Variants in ZER1 observed in about 807,000 individuals in gnomAD.
The protein encoded by ZER1 is zyg-11 related cell cycle regulator, also known as protein zer-1 homolog.
Under a neutral mutation model 78.8 loss-of-function variants are expected in ZER1, and 11 were observed. The ratio of observed to expected loss-of-function variants is 0.14; its 90% CI spans 0.09 to 0.23. The LOEUF (loss-of-function observed/expected upper bound fraction) is 0.23. ZER1 is among the 10% of genes least tolerant of loss of function. The probability of loss-of-function intolerance (pLI) is 1.00; values close to 1 mark genes in which losing one functional copy is unlikely to be tolerated. For synonymous variants in ZER1, 400 were observed against 407.0 expected (o/e 0.98, Z 0.21); for missense variants, 588 against 996.9 (o/e 0.59, Z 5.52).
intron 14 of ZER1, among the ~76,000 whole-genome samples, chr9:128,734,144 A>AT (rs1554784814): frequency 6.2e-4 from 9 of 14,440 alleles, no homozygotes; most frequent in African/African-American, 1.5e-3. Flanking sequence ...AAAAAAAAAA[A>AT]ATATATATAT....
intron 8 of ZER1, among the ~76,000 whole-genome samples, chr9:128,748,411 A>G (rs956773863): frequency 6.7e-5 from 10 of 149,840 alleles, no homozygotes; most frequent in Non-Finnish European, 1.5e-4. Context: ...CAAAAAAAAA[A>G]AAAAAAAAAT....
intron 1 of ZER1, among the ~76,000 whole-genome samples, chr9:128,758,308 G>C (rs1863928411): frequency 6.6e-6 from 1 of 151,842 alleles, no homozygotes; most frequent in African/African-American, 2.4e-5. Flanking sequence ...TTTTCTTTTA[G>C]TAGAGACAGG....
At position 128,755,971 on chromosome 9, in the gene ZER1, GA is replaced by G. The variant is rs1863844616; in HGVS notation, c.-94-313del. On this transcript the variant is annotated intron_variant, in intron 1 of 15. Coordinates refer to ENST00000291900, the MANE Select transcript of ZER1 (RefSeq NM_006336.4). The surrounding 1 kb of genome is among the most constrained non-coding windows in gnomAD (Gnocchi z 5.6). The stretch of plus-strand genomic sequence containing the variant: ...ACTCTTCAGCTTCCCACAGTCTGAA[GA>G]GCTACACTGGGGTGTTCCATGCTGT... Among the ~76,000 whole-genome samples the G allele has an allele frequency of 1.3e-5, 2 of 152,238 alleles. No homozygotes were observed. Among genetic ancestry groups the G allele is most frequent in the Non-Finnish European group, 2.9e-5 (2 of 68,048 alleles).
chr9:128,737,795 C>T (rs1029598108), intron 13 of ZER1, among the ~76,000 whole-genome samples: 1 of 151,680 alleles, frequency 6.6e-6, no homozygotes, highest in Admixed American at 6.6e-5. Flanking sequence ...CTCTGCCTTC[C>T]AGGTTCAAGT....
chr9:128,767,488 C>T (rs1036616127), intron 1 of ZER1, among the ~76,000 whole-genome samples: 3 of 152,092 alleles, frequency 2.0e-5, no homozygotes, highest in Admixed American at 6.6e-5. Context: ...TCAAGCAATA[C>T]GCCCACCTCA....
At chr9:128,764,684 G>A (rs936233969) in intron 1 of ZER1, among the ~76,000 whole-genome samples, 2 of 152,184 alleles carry the variant, frequency 1.3e-5, no homozygotes, top group Middle Eastern at 3.4e-3. Flanking sequence ...ATCCAGCTGC[G>A]GGCCTGGCAC....
intron 13 of ZER1, among the ~76,000 whole-genome samples, chr9:128,738,787 C>T (rs1400496375): frequency 6.7e-5 from 10 of 150,178 alleles, no homozygotes; most frequent in African/African-American, 2.5e-4. Context: ...GCTCAAGTGA[C>T]CCTCCTGCCT....
chr9:128,758,601 T>C (rs1046796343), intron 1 of ZER1, among the ~76,000 whole-genome samples: 2 of 150,734 alleles, frequency 1.3e-5, no homozygotes, highest in African/African-American at 4.9e-5. Context: ...CTGGTTTCTT[T>C]GTTTTTTGTT....
At position 128,740,164 on chromosome 9, in the gene ZER1, T is replaced by C; in HGVS notation, c.1854-45A>G. On this transcript the variant is annotated intron_variant, in intron 12 of 15. Coordinates refer to ENST00000291900, the MANE Select transcript of ZER1 (RefSeq NM_006336.4). This position sits in a 1 kb window ranked among gnomAD's most constrained non-coding sequence, Gnocchi z 4.4. Reference sequence around the variant, plus strand: ...AAAATGGAGTCCCACTCCCCCAGTTTCTCTTCAGATACCAGCGGCAGGACC... The same window carrying C: ...AAAATGGAGTCCCACTCCCCCAGTTCCTCTTCAGATACCAGCGGCAGGACC... The C allele has an allele frequency of 6.5e-7, 1 of 1,527,016 alleles. No homozygotes were observed. Among genetic ancestry groups the C allele is most frequent in the Admixed American group, 2.1e-5 (1 of 48,550 alleles). 94.6% of individuals were successfully genotyped at this position (1,527,016 alleles called of 1,614,324 possible). A position where few individuals can be genotyped will look rare whatever the true frequency, so the allele number is the denominator to read the frequency against.
intron 14 of ZER1, among the ~76,000 whole-genome samples, chr9:128,734,877 A>G (rs1274090030): frequency 6.8e-6 from 1 of 147,258 alleles, no homozygotes; most frequent in African/African-American, 2.5e-5. Flanking sequence ...GACAGCATGG[A>G]GACTTTTATT....
chr9:128,731,428 G>T, intron 15 of ZER1, 34 bp from the exon 16 acceptor site: 5 of 1,430,152 alleles, frequency 3.5e-6, no homozygotes, highest in Non-Finnish European at 3.9e-6. Context: ...ATTGGAGGGT[G>T]GGCTTGGGTG....
rs768968073 is a variant in ZER1 at position 128,731,493 on chromosome 9, T to G, written c.2244-99A>C. 3.1e-6 allele frequency: 3 copies of G among 965,856 alleles called. No homozygotes were observed. In the East Asian group the frequency reaches 7.9e-5, roughly 25 times the overall value. The allele number at this position is 965,856 out of a possible 1,614,324, so 59.8% of individuals were successfully genotyped here. On this transcript the variant is annotated intron_variant, in intron 15 of 15. Coordinates refer to ENST00000291900, the MANE Select transcript of ZER1 (RefSeq NM_006336.4). ...AGGCAGCTGGGTAAACACGTGTTCA[T>G]AGTGATGGTGATGCTGACCGAATGA...
chr9:128,739,937 T>A lies in ZER1; in HGVS notation c.2036A>T (p.Asn679Ile). 6.2e-7 allele frequency: 1 copy of A among 1,607,000 alleles called. No individual in the cohort carries two copies. The highest frequency in any genetic ancestry group is 8.5e-7 in the Non-Finnish European group (1 of 1,173,936). Reference sequence around the variant, plus strand: ...CTCCCTGCCCTGCCCACACCTGTAATTGATGTTTCTCCGAGAGTTTATGTC... The same window carrying A: ...CTCCCTGCCCTGCCCACACCTGTAAATGATGTTTCTCCGAGAGTTTATGTC... ...SWDINSRRNI[N>I]YRSFEPILRL... The change falls in exon 13 of 16, where the codon AAT becomes ATT. Residue 679 changes from asparagine to isoleucine, a missense_variant. By Grantham distance (149) the Asn-to-Ile change is moderately radical. This residue lies in a region of ZER1 where 122 missense variants were observed against 173.5 expected (regional missense o/e 0.70). Coordinates refer to ENST00000291900, the MANE Select transcript of ZER1 (RefSeq NM_006336.4).
At chr9:128,738,206 G>A (rs971077967) in intron 13 of ZER1, among the ~76,000 whole-genome samples, 15 of 145,688 alleles carry the variant, frequency 1.0e-4, no homozygotes, top group Middle Eastern at 3.8e-3. Flanking sequence ...CACCACGCCC[G>A]GCTAATTTTT....
At chr9:128,764,967 G>C (rs775126661) in intron 1 of ZER1, among the ~76,000 whole-genome samples, 2 of 152,178 alleles carry the variant, frequency 1.3e-5, no homozygotes, top group Non-Finnish European at 2.9e-5. Flanking sequence ...ACCAGCAGCA[G>C]CAGCAGCAGA....
chr9:128,752,736 G>C lies in ZER1; in HGVS notation c.860C>G (p.Ser287Cys). 6.2e-7 allele frequency: 1 copy of C among 1,614,192 alleles called. No homozygotes were observed. Among genetic ancestry groups the C allele is most frequent in the Non-Finnish European group, 8.5e-7 (1 of 1,180,046 alleles). ...GCAGTTCTCTAGGATCATGTGGCCAGAGATGTCCAGGGACATTAGGTTCCC... is the reference window on the plus strand; with the variant it reads ...GCAGTTCTCTAGGATCATGTGGCCACAGATGTCCAGGGACATTAGGTTCCC... ...KLGNLMSLDI[S>C]GHMILENCSI... The change falls in exon 5 of 16, where the codon TCT becomes TGT. Residue 287 changes from serine (S) to cysteine (C), a missense_variant. Ser to Cys is a moderately radical substitution (Grantham distance 112). Transcript: ENST00000291900.
chr9:128,761,131 C>G (rs1773098124), intron 1 of ZER1, among the ~76,000 whole-genome samples: 1 of 141,612 alleles, frequency 7.1e-6, no homozygotes, highest in African/African-American at 2.6e-5. Flanking sequence ...GCACTCCAGC[C>G]TGGGCGACAG....
At chr9:128,742,936 C>T (rs1863353576) in intron 8 of ZER1, among the ~76,000 whole-genome samples, 191 bp from the exon 9 acceptor site, 1 of 152,140 alleles carries the variant, frequency 6.6e-6, no homozygotes, top group Non-Finnish European at 1.5e-5. Flanking sequence ...CAGAAGAATG[C>T]ATAAAACACA....
At position 128,741,540 on chromosome 9, in the gene ZER1, G is replaced by A. The variant is rs1455453031; in HGVS notation, c.1732C>T (p.Leu578=). The stretch of plus-strand genomic sequence containing the variant: ...CTGCAGGAGGTGGACACTACCTTCA[G>A]GCAGTCCAGGAAGAGCTTCATGCCG... ...FNGMKLFLDC[L]KEFPEKQELH... is the part of the protein sequence containing the mutation. Residue 578 remains leucine (L), a synonymous_variant, in exon 11 of 16, where the codon CTG becomes TTG. Coordinates refer to ENST00000291900, the MANE Select transcript of ZER1 (RefSeq NM_006336.4). 1 of 1,614,144 alleles carries A rather than the reference G, an allele frequency of 6.2e-7. No homozygotes were observed. The highest frequency in any genetic ancestry group is 1.3e-5 in the African/African-American group (1 of 75,050).
Sources: gnomAD v4.1 joint callset for allele counts (sites outside exome capture counted in the v4.1 genomes callset) on GRCh38, gnomAD v4.1.1 for gene constraint, gnomAD v4.1.1 regional missense constraint, Gnocchi (gnomAD v3.1) non-coding constraint, MANE v1.5 for transcripts, NCBI Gene and HGNC (gene_info 2026-07-23, HGNC 2026-07-21) for gene names.